Variants in AP2S1 observed in about 807,000 individuals in gnomAD.
The protein encoded by AP2S1 is AP-2 complex subunit sigma.
A neutral mutation model predicts 21.0 loss-of-function variants in AP2S1; 6 were observed. That is an observed-to-expected ratio of 0.29 (90% CI 0.16 to 0.56). AP2S1 has a LOEUF of 0.56. Ranked by LOEUF, AP2S1 falls within the 20% of genes least tolerant of loss-of-function variation. The pLI is 0.92. For synonymous variants in AP2S1, 63 were observed against 74.6 expected (o/e 0.84, Z 0.80); for missense variants, 60 against 186.2 (o/e 0.32, Z 3.95).
chr19:46,838,326 G>A lies in AP2S1; in HGVS notation c.*121C>T. 1.1e-6 allele frequency: 1 copy of A among 928,926 alleles called. No individual in the cohort carries two copies. Among genetic ancestry groups the A allele is most frequent in the Non-Finnish European group, 1.7e-6 (1 of 596,904 alleles). 57.5% of individuals were successfully genotyped at this position (928,926 alleles called of 1,614,324 possible). ...TCTCCTCCCTTGTGGCCCAGACCCA[G>A]CTGGGTCCCTTCCTCCTAGGCAGCT... On this transcript the variant is annotated 3_prime_UTR_variant, in exon 5 of 5. Coordinates refer to ENST00000263270, the MANE Select transcript of AP2S1 (RefSeq NM_004069.6). This position sits in a 1 kb window ranked among gnomAD's most constrained non-coding sequence, Gnocchi z 4.1.
At chr19:46,844,563 C>T (rs1406306279) in intron 2 of AP2S1, among the ~76,000 whole-genome samples, 6 of 151,948 alleles carry the variant, frequency 3.9e-5, no homozygotes, top group South Asian at 2.1e-4. Flanking sequence ...TTTGGGAGGC[C>T]GAAGCAGGCA....
chr19:46,848,103 T>A (rs2055669074), intron 1 of AP2S1, among the ~76,000 whole-genome samples: 1 of 152,126 alleles, frequency 6.6e-6, no homozygotes, highest in South Asian at 2.1e-4. Context: ...TCACGGTGGC[T>A]CACACCTGTA....
At chr19:46,843,997 G>C (rs1020776621) in intron 2 of AP2S1, among the ~76,000 whole-genome samples, 23 of 151,900 alleles carry the variant, frequency 1.5e-4, no homozygotes, top group Non-Finnish European at 3.4e-4. Flanking sequence ...TGCAACCTCT[G>C]CCTCCTGGAT....
At chr19:46,842,579 A>G (rs1456417456) in intron 2 of AP2S1, among the ~76,000 whole-genome samples, 1 of 151,878 alleles carries the variant, frequency 6.6e-6, no homozygotes, top group East Asian at 1.9e-4. Flanking sequence ...TAACATTCTC[A>G]TTTGCCCAGC....
chr19:46,848,524 T>G (rs1238983239), intron 1 of AP2S1, among the ~76,000 whole-genome samples: 1 of 152,226 alleles, frequency 6.6e-6, no homozygotes, highest in Non-Finnish European at 1.5e-5. Context: ...CATTAGAAGT[T>G]CTGGGCCCAT....
intron 2 of AP2S1, among the ~76,000 whole-genome samples, chr19:46,841,876 C>T (rs999780402): frequency 4.6e-5 from 7 of 152,184 alleles, no homozygotes; most frequent in Non-Finnish European, 8.8e-5. Flanking sequence ...AAGCGGGAGG[C>T]GGGACAGTGC....
intron 1 of AP2S1, among the ~76,000 whole-genome samples, chr19:46,847,087 A>G (rs1395407237): frequency 6.6e-6 from 1 of 152,152 alleles, no homozygotes; most frequent in Non-Finnish European, 1.5e-5. Context: ...CAGCTCTGCC[A>G]CTTCTTTTTT....
chr19:46,847,324 C>G (rs2055653880), intron 1 of AP2S1, among the ~76,000 whole-genome samples: 1 of 151,924 alleles, frequency 6.6e-6, no homozygotes, highest in South Asian at 2.1e-4. Flanking sequence ...ACCTCCACCT[C>G]CTGGGTGCAG....
rs536748138 is a variant in AP2S1 at position 46,838,410 on chromosome 19, C to T, written c.*37G>A. ...GGAAGGGGAAGCGAGCAGGCGAGTC[C>T]AGGAGGGGCCGGGGCCGGGGTGGGG... On this transcript the variant is annotated 3_prime_UTR_variant, in exon 5 of 5. Transcript: ENST00000263270. This position sits in a 1 kb window ranked among gnomAD's most constrained non-coding sequence, Gnocchi z 4.1. 3 of 1,604,820 alleles carry T rather than the reference C, an allele frequency of 1.9e-6. No homozygotes were observed. In the South Asian group the frequency reaches 3.3e-5, roughly 18 times the overall value.
intron 2 of AP2S1, among the ~76,000 whole-genome samples, chr19:46,845,074 G>A (rs1472473739): frequency 6.8e-6 from 1 of 147,582 alleles, no homozygotes; most frequent in Admixed American, 6.8e-5. Flanking sequence ...ACTCCAGCCT[G>A]GGTGACTGAG....
rs1401961267 is a variant in AP2S1, at chr19:46,846,443, T to TG, written c.4-302_4-301insC. 1.2e-4 allele frequency among the ~76,000 whole-genome samples: 8 copies of TG among 68,142 alleles called. 2 individuals carry two copies. Among genetic ancestry groups the TG allele is most frequent in the Admixed American group, 9.1e-4 (8 of 8,800 alleles). The allele number at this position is 68,142 out of a possible 152,430, so 44.7% of individuals were successfully genotyped here. A position where few individuals can be genotyped will look rare whatever the true frequency, so the allele number is the denominator to read the frequency against. On this transcript the variant is annotated intron_variant, in intron 1 of 4. Coordinates refer to ENST00000263270, the MANE Select transcript of AP2S1 (RefSeq NM_004069.6). ...TCCACCACCTCTTATCTCTCTCTGT[T>TG]TTTTTTTTTTTTTTTTTTTGTAGAG...
chr19:46,839,363 A>G, intron 3 of AP2S1, 102 bp downstream of exon 3: 1 of 1,248,526 alleles, frequency 8.0e-7, no homozygotes, highest in Non-Finnish European at 1.2e-6. Flanking sequence ...CAGTCACTGC[A>G]GAGGGAGGGC....
At position 46,838,895 on chromosome 19, in the gene AP2S1, A is replaced by G; in HGVS notation, c.268-96T>C. The stretch of plus-strand genomic sequence containing the variant: ...AGGTCATCAGAAAGAGACAGCAAAA[A>G]AAGAGACCAAGGGGGAGGCAGGGGA... On this transcript the variant is annotated intron_variant, in intron 3 of 4. Transcript: ENST00000263270. This position sits in a 1 kb window ranked among gnomAD's most constrained non-coding sequence, Gnocchi z 4.1. 1 of 1,165,916 alleles carries G rather than the reference A, an allele frequency of 8.6e-7. No homozygotes were observed. The highest frequency in any genetic ancestry group is 1.3e-6 in the Non-Finnish European group (1 of 791,318). 72.2% of individuals were successfully genotyped at this position (1,165,916 alleles called of 1,614,324 possible).
intron 1 of AP2S1, among the ~76,000 whole-genome samples, chr19:46,849,070 A>T (rs1455296016): frequency 2.3e-5 from 3 of 130,034 alleles, no homozygotes; most frequent in Non-Finnish European, 4.7e-5. Flanking sequence ...CAGTGGCACA[A>T]TCTCGGCTCA....
At chr19:46,846,274 G>T in intron 1 of AP2S1, 132 bp from the exon 2 acceptor site, 1 of 1,181,080 alleles carries the variant, frequency 8.5e-7, no homozygotes, top group East Asian at 2.6e-5. Context: ...GACTTCCAGG[G>T]GTCTCGGCTG....
Position 46,838,189 on chromosome 19 carries a change from T to C in AP2S1, c.*258A>G, listed in dbSNP as rs1160554197. ...AAGGCCAGGCAGGACCACAGGTTTA[T>C]TGGGGACTCCACGCACAGACGCTTA... On this transcript the variant is annotated 3_prime_UTR_variant, in exon 5 of 5. Coordinates refer to ENST00000263270, the MANE Select transcript of AP2S1 (RefSeq NM_004069.6). This position sits in a 1 kb window ranked among gnomAD's most constrained non-coding sequence, Gnocchi z 4.1. 1.8e-5 allele frequency: 9 copies of C among 511,730 alleles called. No individual in the cohort carries two copies. Among genetic ancestry groups the C allele is most frequent in the African/African-American group, 3.8e-5 (2 of 51,960 alleles). The allele number at this position is 511,730 out of a possible 1,614,324, so 31.7% of individuals were successfully genotyped here.
intron 2 of AP2S1, among the ~76,000 whole-genome samples, chr19:46,840,780 C>G (rs866232858): frequency 7.0e-6 from 1 of 142,774 alleles, no homozygotes; most frequent in African/African-American, 2.7e-5. Flanking sequence ...AGCAGTGGCT[C>G]GATCTCGGCT....
chr19:46,839,335 A>G, intron 3 of AP2S1, 130 bp downstream of exon 3: 1 of 797,460 alleles, frequency 1.3e-6, no homozygotes, highest in Admixed American at 2.4e-5. Flanking sequence ...AAAAAAAAGA[A>G]ATGGAGAGGG....
chr19:46,848,091 G>T (rs988187623), intron 1 of AP2S1, among the ~76,000 whole-genome samples: 2 of 152,058 alleles, frequency 1.3e-5, no homozygotes, highest in African/African-American at 4.8e-5. Flanking sequence ...ATTCCTGGCC[G>T]GTCACGGTGG....
Sources: allele counts gnomAD v4.1 joint callset (sites outside exome capture counted in the v4.1 genomes callset), GRCh38; gene constraint gnomAD v4.1.1; non-coding constraint Gnocchi (gnomAD v3.1); transcripts MANE v1.5; gene names NCBI Gene and HGNC (gene_info 2026-07-23, HGNC 2026-07-21).